Variants in ANKS1B observed in about 807,000 individuals in gnomAD.
ANKS1B encodes ankyrin repeat and sterile alpha motif domain containing 1B.
In ANKS1B, 36 loss-of-function variants were observed where a neutral mutation model predicts 148.3. The ratio of observed to expected loss-of-function variants is 0.24; its 90% confidence interval spans 0.19 to 0.32. The LOEUF is 0.32. Ranked by LOEUF, ANKS1B falls within the 10% of genes least tolerant of loss-of-function variation. The probability of loss-of-function intolerance (pLI) is 1.00; values close to 1 mark genes in which losing one functional copy is unlikely to be tolerated. For missense variants in ANKS1B, 1,157 were observed against 1,542.6 expected (o/e 0.75, Z 4.19); for synonymous variants, 542 against 560.8 (o/e 0.97, Z 0.47).
chr12:98,744,846 A>T lies in ANKS1B; in HGVS notation c.*893T>A, dbSNP rs2097847860. The T allele has an allele frequency of 1.0e-6, 1 of 985,462 alleles. No homozygotes were observed. Among genetic ancestry groups the T allele is most frequent in the African/African-American group, 1.7e-5 (1 of 57,180 alleles). The allele number at this position is 985,462 out of a possible 1,614,324, so 61.0% of individuals were successfully genotyped here. On this transcript the variant is annotated 3_prime_UTR_variant, in exon 27 of 27. Coordinates refer to ENST00000683438, the MANE Select transcript of ANKS1B (RefSeq NM_001352186.2). ...AAAACACTGTGAAGATTAAAAAACA[A>T]TCTTGGCAGGCTGATGGCTGCGTCA...
chr12:99,405,966 G>T (rs2094522200), intron 11 of ANKS1B, among the ~76,000 whole-genome samples: 1 of 145,246 alleles, frequency 6.9e-6, no homozygotes, highest in Non-Finnish European at 1.5e-5. Context: ...GATAAAGGGT[G>T]AAAATCAAGA....
intron 17 of ANKS1B, among the ~76,000 whole-genome samples, chr12:99,004,529 TCAACCCAAGG>T (rs909322285): frequency 1.6e-4 from 24 of 152,120 alleles, no homozygotes; most frequent in African/African-American, 3.6e-4. Context: ...GGGTATGGCT[TCAACCCAAGG>T]CAACCCAAGG....
At chr12:99,126,936 A>T (rs972870435) in intron 15 of ANKS1B, among the ~76,000 whole-genome samples, 4 of 152,156 alleles carry the variant, frequency 2.6e-5, no homozygotes, top group Non-Finnish European at 5.9e-5. Flanking sequence ...ATTTTGGAAA[A>T]AATGGAATAT....
At chr12:99,293,219 G>A (rs2080293991) in intron 12 of ANKS1B, among the ~76,000 whole-genome samples, 1 of 152,126 alleles carries the variant, frequency 6.6e-6, no homozygotes, top group African/African-American at 2.4e-5. Context: ...GATGAAGCTG[G>A]AAACTATCAT....
chr12:99,695,392 C>G lies in ANKS1B; in HGVS notation c.1129-40182G>C, dbSNP rs541191866. Among the ~76,000 whole-genome samples the G allele has an allele frequency of 2.6e-5, 4 of 152,288 alleles. No homozygotes were observed. The South Asian group carries it at 8.3e-4, about 32-fold the overall frequency. ...GAACAGATATCTCATAAAGACAAAA[C>G]TCCCACTGAACGTAGTGGTAGTCAT... On this transcript the variant is annotated intron_variant, in intron 8 of 26. Transcript: ENST00000683438.
intron 15 of ANKS1B, among the ~76,000 whole-genome samples, chr12:99,111,215 T>C: frequency 6.6e-6 from 1 of 152,206 alleles, no homozygotes; most frequent in East Asian, 1.9e-4. Context: ...AAATTTACTT[T>C]CAAGTTGAAC....
intron 12 of ANKS1B, among the ~76,000 whole-genome samples, chr12:99,303,389 C>T (rs1032357341): frequency 1.3e-5 from 2 of 152,032 alleles, no homozygotes; most frequent in African/African-American, 4.8e-5. Context: ...AGTGACCAAT[C>T]AATCCATCAA....
chr12:98,888,451 C>A (rs2099745134), intron 17 of ANKS1B, among the ~76,000 whole-genome samples: 1 of 152,184 alleles, frequency 6.6e-6, no homozygotes, highest in African/African-American at 2.4e-5. Context: ...TACACAGCAG[C>A]CAGGGTGTGC....
At chr12:98,853,630 G>A (rs543083243) in intron 17 of ANKS1B, among the ~76,000 whole-genome samples, 1 of 152,332 alleles carries the variant, frequency 6.6e-6, no homozygotes, top group Admixed American at 6.5e-5. Context: ...GAGGCCTCCT[G>A]TGACTGCCCT....
chr12:99,250,206 A>G (rs2074394945), intron 12 of ANKS1B, among the ~76,000 whole-genome samples: 1 of 152,204 alleles, frequency 6.6e-6, no homozygotes, highest in Non-Finnish European at 1.5e-5. Flanking sequence ...CTGGGGCATA[A>G]GAACTGTACC....
At chr12:98,814,719 T>C (rs539117104) in intron 19 of ANKS1B, among the ~76,000 whole-genome samples, 1 of 152,334 alleles carries the variant, frequency 6.6e-6, no homozygotes, top group African/African-American at 2.4e-5. Flanking sequence ...CTGTCACATA[T>C]ATTGCAAAGC....
At chr12:98,868,765 T>C (rs573728914) in intron 17 of ANKS1B, among the ~76,000 whole-genome samples, 1 of 152,330 alleles carries the variant, frequency 6.6e-6, no homozygotes, top group South Asian at 2.1e-4. Context: ...GCTGTCCTGA[T>C]TGATTACTAT....
At chr12:98,769,577 G>A (rs938488325) in intron 25 of ANKS1B, among the ~76,000 whole-genome samples, 4 of 152,026 alleles carry the variant, frequency 2.6e-5, no homozygotes, top group Non-Finnish European at 5.9e-5. Context: ...GGGATATAAC[G>A]TTCATCATAA....
Position 99,984,909 on chromosome 12 carries a change from T to C in ANKS1B, c.-672A>G, listed in dbSNP as rs1031738406. Among the ~76,000 whole-genome samples the C allele has an allele frequency of 6.7e-5, 10 of 149,680 alleles. No homozygotes were observed. Among genetic ancestry groups the C allele is most frequent in the Non-Finnish European group, 4.5e-5 (3 of 67,312 alleles). On this transcript the variant is annotated 5_prime_UTR_variant, in exon 1 of 27. Transcript: ENST00000683438. ...TGTGCGCGCGGGCAGGTGCGGCCCC[T>C]GGTGCGGCCCGAGTTGGGTGGCGGG...
intron 3 of ANKS1B, among the ~76,000 whole-genome samples, chr12:99,808,869 G>T (rs1273481688): frequency 6.6e-6 from 1 of 151,980 alleles, no homozygotes; most frequent in African/African-American, 2.4e-5. Flanking sequence ...GAGCAAAATC[G>T]AAAAATTTTC....
chr12:98,855,418 CAT>C (rs932944172), intron 17 of ANKS1B, among the ~76,000 whole-genome samples: 4 of 152,148 alleles, frequency 2.6e-5, no homozygotes, highest in Admixed American at 6.6e-5. Context: ...AATTTACCCA[CAT>C]GTCATTTATT....
At chr12:98,889,154 CATA>C (rs1428619136) in intron 17 of ANKS1B, among the ~76,000 whole-genome samples, 1 of 152,088 alleles carries the variant, frequency 6.6e-6, no homozygotes, top group Non-Finnish European at 1.5e-5. Context: ...CTACTGGACC[CATA>C]ATGAGTTAAA....
chr12:99,692,323 T>C (rs1290222898), intron 8 of ANKS1B, among the ~76,000 whole-genome samples: 1 of 152,130 alleles, frequency 6.6e-6, no homozygotes, highest in Non-Finnish European at 1.5e-5. Context: ...ATAGCGGTCA[T>C]ATTTTTTAAA....
chr12:98,752,091 C>T (rs891932187), intron 25 of ANKS1B, among the ~76,000 whole-genome samples: 3 of 152,090 alleles, frequency 2.0e-5, no homozygotes, highest in Non-Finnish European at 2.9e-5. Context: ...GCCTGGAAGC[C>T]CCCTTCCCAT....
Sources: gnomAD v4.1 joint callset for allele counts (sites outside exome capture counted in the v4.1 genomes callset) on GRCh38, gnomAD v4.1.1 for gene constraint, MANE v1.5 for transcripts, NCBI Gene and HGNC (gene_info 2026-07-23, HGNC 2026-07-21) for gene names.